Variants in PTPRD observed in about 807,000 individuals in gnomAD.
The protein encoded by PTPRD is receptor-type tyrosine-protein phosphatase delta.
PTPRD carries 34 observed loss-of-function variants against 214.5 expected under a neutral mutation model. The ratio of observed to expected loss-of-function variants is 0.16; its 90% CI spans 0.12 to 0.21. The LOEUF (loss-of-function observed/expected upper bound fraction) is 0.21, where lower values mean the gene tolerates loss of function less well. PTPRD is among the 10% of genes least tolerant of loss of function. The pLI, the probability that PTPRD is intolerant of heterozygous loss-of-function variation, is 1.00. For missense variants in PTPRD, 2,545 were observed against 2,398.7 expected (o/e 1.06, Z -1.27); for synonymous variants, 1,128 against 845.7 (o/e 1.33, Z -5.79).
chr9:8,551,138 ATAAT>A (rs1387274330), intron 14 of PTPRD, among the ~76,000 whole-genome samples: 1 of 152,156 alleles, frequency 6.6e-6, no homozygotes, highest in Non-Finnish European at 1.5e-5. Context: ...ATCTTTCTTC[ATAAT>A]TATATCAAAG....
chr9:9,491,818 C>T (rs1409088333), intron 8 of PTPRD, among the ~76,000 whole-genome samples: 2 of 151,984 alleles, frequency 1.3e-5, no homozygotes, highest in Non-Finnish European at 2.9e-5. Context: ...ATCAACTCAA[C>T]AATCTATCTT....
intron 9 of PTPRD, among the ~76,000 whole-genome samples, chr9:9,184,658 T>C (rs1243334513): frequency 6.6e-6 from 1 of 152,096 alleles, no homozygotes; most frequent in African/African-American, 2.4e-5. Context: ...GCACTTAGCC[T>C]GTTTGGTTTA....
In PTPRD at chr9:8,485,872, G is replaced by C. The variant is rs376648567; in HGVS notation, c.2945C>G (p.Thr982Ser). Residue 982 changes from threonine (T) to serine (S), a missense_variant, in exon 28 of 46, where the codon ACT becomes AGT. Physicochemically the swap from Thr to Ser is moderately conservative, Grantham distance 58 (BLOSUM62 1). Transcript: ENST00000381196. ...GTATGTGGTATCTGGTTTTAAGCCA[G>C]TGAGTGTCATAGTGGTGTCAGCTGG... ...IVPADTTMTL[T>S]GLKPDTTYDV... 2.5e-6 allele frequency: 4 copies of C among 1,614,056 alleles called. No individual in the cohort carries two copies. The highest frequency in any genetic ancestry group is 1.3e-5 in the African/African-American group (1 of 74,918).
At chr9:9,171,344 TATATAA>T (rs1445123827) in intron 10 of PTPRD, among the ~76,000 whole-genome samples, 5 of 149,420 alleles carry the variant, frequency 3.3e-5, no homozygotes, top group African/African-American at 1.2e-4. Context: ...GATTATATTA[TATATAA>T]ATATAATTAG....
chr9:8,526,716 C>G, intron 16 of PTPRD, 72 bp from the exon 17 acceptor site: 1 of 1,244,934 alleles, frequency 8.0e-7, no homozygotes, highest in Non-Finnish European at 1.1e-6. Flanking sequence ...GAGGCTAGGG[C>G]TGGGGAGAAG....
chr9:10,229,472 A>G (rs973405380), intron 3 of PTPRD, among the ~76,000 whole-genome samples: 1 of 152,054 alleles, frequency 6.6e-6, no homozygotes, highest in African/African-American at 2.4e-5. Context: ...ACAGTGATAG[A>G]CTGGATTAAG....
chr9:9,497,365 T>C (rs1301592776), intron 8 of PTPRD, among the ~76,000 whole-genome samples: 2 of 152,166 alleles, frequency 1.3e-5, no homozygotes, highest in African/African-American at 4.8e-5. Flanking sequence ...CTCTAGTCTA[T>C]ATTTTGGTGC....
At chr9:8,945,349 C>T (rs1365845321) in intron 11 of PTPRD, among the ~76,000 whole-genome samples, 1 of 152,010 alleles carries the variant, frequency 6.6e-6, no homozygotes, top group Non-Finnish European at 1.5e-5. Flanking sequence ...TTCATTGACT[C>T]TCACCTCCCG....
chr9:9,388,125 G>T (rs2064525610), intron 9 of PTPRD, among the ~76,000 whole-genome samples: 1 of 152,124 alleles, frequency 6.6e-6, no homozygotes, highest in African/African-American at 2.4e-5. Flanking sequence ...GAGCCAGAAG[G>T]GAAACTGGTT....
intron 37 of PTPRD, among the ~76,000 whole-genome samples, chr9:8,380,950 C>A (rs1481386483): frequency 6.6e-6 from 1 of 152,132 alleles, no homozygotes; most frequent in Non-Finnish European, 1.5e-5. Context: ...CTGAGCATGG[C>A]AACATGGCAA....
intron 5 of PTPRD, among the ~76,000 whole-genome samples, chr9:9,774,065 A>T (rs115200785): frequency 2.2e-3 from 333 of 152,304 alleles, no homozygotes; most frequent in African/African-American, 7.6e-3. Flanking sequence ...CTGCCTTTGC[A>T]CTAAGGTCTG....
chr9:9,051,219 CAATT>C (rs1325545042), intron 10 of PTPRD, among the ~76,000 whole-genome samples: 3 of 151,856 alleles, frequency 2.0e-5, no homozygotes. Flanking sequence ...TTACATCTGT[CAATT>C]AAAAAATCTA....
intron 5 of PTPRD, among the ~76,000 whole-genome samples, chr9:9,821,902 T>A (rs994981341): frequency 1.3e-5 from 2 of 149,830 alleles, no homozygotes; most frequent in African/African-American, 4.9e-5. Flanking sequence ...CTGAATACTT[T>A]CCTTGATTTA....
intron 3 of PTPRD, among the ~76,000 whole-genome samples, chr9:10,203,169 C>CTTTTT (rs60069193): frequency 1.0e-4 from 12 of 119,882 alleles, no homozygotes; most frequent in African/African-American, 3.7e-4. Flanking sequence ...CCCTCTCTCT[C>CTTTTT]TTTTTTTTTT....
chr9:10,559,625 C>T (rs561805029), intron 2 of PTPRD, among the ~76,000 whole-genome samples: 4 of 151,958 alleles, frequency 2.6e-5, no homozygotes, highest in South Asian at 4.2e-4. Context: ...ACAGGCAACC[C>T]ACAAAATGGG....
intron 5 of PTPRD, among the ~76,000 whole-genome samples, chr9:9,896,877 A>G (rs569179272): frequency 6.6e-6 from 1 of 152,168 alleles, no homozygotes; most frequent in South Asian, 2.1e-4. Flanking sequence ...TTAACTGGAG[A>G]TCCATCCACT....
At chr9:8,924,579 G>C (rs1426098088) in intron 11 of PTPRD, among the ~76,000 whole-genome samples, 1 of 152,022 alleles carries the variant, frequency 6.6e-6, no homozygotes, top group African/African-American at 2.4e-5. Flanking sequence ...TCTTGTCTTA[G>C]CATCTCCCCA....
intron 9 of PTPRD, among the ~76,000 whole-genome samples, chr9:9,310,702 G>C (rs891391763): frequency 1.3e-5 from 2 of 152,174 alleles, no homozygotes; most frequent in Admixed American, 6.5e-5. Flanking sequence ...CCGATCACCT[G>C]AGGTTGGAAG....
chr9:10,086,952 A>G (rs1301642526), intron 3 of PTPRD, among the ~76,000 whole-genome samples: 1 of 151,826 alleles, frequency 6.6e-6, no homozygotes, highest in Non-Finnish European at 1.5e-5. Flanking sequence ...AGGAAATATT[A>G]AGACTGTGAT....
Sources: gnomAD v4.1 joint callset for allele counts (sites outside exome capture counted in the v4.1 genomes callset) on GRCh38, gnomAD v4.1.1 for gene constraint, MANE v1.5 for transcripts, NCBI Gene and HGNC (gene_info 2026-07-23, HGNC 2026-07-21) for gene names.